RGS3: variants seen among roughly 807,000 people sequenced by gnomAD.
RGS3 encodes regulator of G protein signaling 3.
RGS3 carries 80 observed loss-of-function variants against 132.6 expected under a neutral mutation model. The ratio of observed to expected loss-of-function variants is 0.60; its 90% CI spans 0.50 to 0.73. RGS3 has a LOEUF of 0.73. Ranked by LOEUF, RGS3 falls within the 30% of genes least tolerant of loss-of-function variation. The probability of loss-of-function intolerance (pLI) is 0.00; values close to 1 mark genes in which losing one functional copy is unlikely to be tolerated. For synonymous variants in RGS3, 598 were observed against 620.6 expected (o/e 0.96, Z 0.54); for missense variants, 1,382 against 1,530.8 (o/e 0.90, Z 1.62).
chr9:113,536,791 G>A lies in RGS3; in HGVS notation c.1915-5G>A, dbSNP rs773659807. On this transcript the variant is annotated splice_polypyrimidine_tract_variant and splice_region_variant and intron_variant, in intron 18 of 24. Transcript: ENST00000350696. ...CGTCCGTTTCTCTATTTTCCCTGAC[G>A]TCAGAAGGCAGAGTGCTTATTCACT... 9 of 1,613,096 alleles carry A rather than the reference G, an allele frequency of 5.6e-6. No individual in the cohort carries two copies. The Admixed American group carries it at 6.7e-5, about 12-fold the overall frequency.
chr9:113,583,351 G>T (rs1249029549), intron 19 of RGS3, 99 bp from the exon 18 acceptor site: 1 of 1,492,488 alleles, frequency 6.7e-7, no homozygotes, highest in Non-Finnish European at 8.9e-7. Context: ...GGGGCCCGGG[G>T]TTCAGGCCAC....
At chr9:113,461,271 C>T (rs1276646671) in intron 1 of RGS3, among the ~76,000 whole-genome samples, 1 of 152,062 alleles carries the variant, frequency 6.6e-6, no homozygotes, top group African/African-American at 2.4e-5. Context: ...CTAGAATGCT[C>T]AGGACATGTG....
At chr9:113,508,518 G>T (rs1308612820) in intron 13 of RGS3, 23 bp from the exon 12 acceptor site, 1 of 1,612,322 alleles carries the variant, frequency 6.2e-7, no homozygotes, top group Non-Finnish European at 8.5e-7. Context: ...GGCTGAGGTG[G>T]TTTTCCTGTC....
chr9:113,534,230 G>T (rs1272785164), intron 18 of RGS3, among the ~76,000 whole-genome samples: 1 of 152,176 alleles, frequency 6.6e-6, no homozygotes, highest in East Asian at 1.9e-4. Context: ...CATTGTTTTT[G>T]CTGGCCCCTT....
chr9:113,462,575 A>G (rs990563948), intron 3 of RGS3, among the ~76,000 whole-genome samples: 1 of 152,170 alleles, frequency 6.6e-6, no homozygotes, highest in Non-Finnish European at 1.5e-5. Flanking sequence ...AGCTCTGCCT[A>G]TTCCTAGCTC....
intron 10 of RGS3, chr9:113,504,932 T>C (rs1831063395): frequency 6.4e-6 from 1 of 155,234 alleles, no homozygotes. Context: ...TGGCCTGAGA[T>C]GGAGTGAGTG....
chr9:113,470,289 T>C (rs573587904), intron 3 of RGS3, among the ~76,000 whole-genome samples: 27 of 152,352 alleles, frequency 1.8e-4, no homozygotes, highest in Admixed American at 5.9e-4. Context: ...ATTGTTCAAA[T>C]ATTCCGTATC....
At chr9:113,585,120 AG>A (rs2118993538) in intron 20 of RGS3, among the ~76,000 whole-genome samples, 1 of 152,332 alleles carries the variant, frequency 6.6e-6, no homozygotes, top group Non-Finnish European at 1.5e-5. Flanking sequence ...ACATGGCAGG[AG>A]CCACAGAAGT....
chr9:113,528,737 C>T (rs916970824), intron 17 of RGS3, among the ~76,000 whole-genome samples: 4 of 152,184 alleles, frequency 2.6e-5, no homozygotes, highest in African/African-American at 9.7e-5. Context: ...TGGGCTCCAC[C>T]CAGTCTATGA....
intron 19 of RGS3, among the ~76,000 whole-genome samples, chr9:113,570,029 T>C (rs777474180): frequency 3.9e-5 from 6 of 152,142 alleles, no homozygotes; most frequent in Non-Finnish European, 7.4e-5. Flanking sequence ...CTAGGGAGGT[T>C]GTATAGGAAT....
At chr9:113,460,325 C>G (rs1319218913) in exon 1 of RGS3, 2 of 350,390 alleles carry the variant, frequency 5.7e-6, no homozygotes, top group Non-Finnish European at 1.0e-5. Flanking sequence ...TCGAGACCAT[C>G]CTGGCTAACA....
intron 21 of RGS3, chr9:113,592,004 G>A (rs1835455543): frequency 6.5e-6 from 1 of 153,450 alleles, no homozygotes; most frequent in Non-Finnish European, 1.5e-5. Context: ...AGACTCGGGG[G>A]AGGTATAGGG....
chr9:113,552,673 G>A (rs112381404), intron 19 of RGS3, among the ~76,000 whole-genome samples: 13 of 152,104 alleles, frequency 8.5e-5, no homozygotes, highest in South Asian at 4.2e-4. Context: ...CAAAAATATC[G>A]TTGAGACTTT....
chr9:113,448,642 C>G (rs1829170619), intron 1 of RGS3, among the ~76,000 whole-genome samples: 1 of 152,228 alleles, frequency 6.6e-6, no homozygotes, highest in African/African-American at 2.4e-5. Context: ...AGACTGACTT[C>G]TGCGAGTGGC....
intron 4 of RGS3, among the ~76,000 whole-genome samples, chr9:113,480,117 G>A (rs1830112669): frequency 6.6e-6 from 1 of 152,188 alleles, no homozygotes; most frequent in Admixed American, 6.5e-5. Context: ...AAAGTGCTTA[G>A]AACAGTGCTG....
chr9:113,499,222 A>G (rs1311449275), intron 10 of RGS3, among the ~76,000 whole-genome samples: 3 of 136,498 alleles, frequency 2.2e-5, no homozygotes, highest in African/African-American at 8.3e-5. Flanking sequence ...ACGAGATTCC[A>G]TCTCAAAAAA....
In RGS3 at chr9:113,507,605, C is replaced by T. The variant is rs1298167078; in HGVS notation, c.1404C>T (p.Tyr468=). ...CCACTGCCCCCACCGACCCCAACTA[C>T]ATCATCCTGGCCCCGCTGAATCCTG... The change falls in exon 13 of 25, where the codon TAC becomes TAT. Residue 468 remains tyrosine, a synonymous_variant. Coordinates refer to ENST00000350696, the Ensembl canonical transcript of RGS3. This position sits in a 1 kb window ranked among gnomAD's most constrained non-coding sequence, Gnocchi z 5.0. The T allele has an allele frequency of 2.0e-6, 3 of 1,500,024 alleles. No homozygotes were observed. The highest frequency in any genetic ancestry group is 2.2e-5 in the Admixed American group (1 of 44,964). The allele number at this position is 1,500,024 out of a possible 1,614,324, so 92.9% of individuals were successfully genotyped here.
chr9:113,508,729 G>A (rs1010934206), intron 14 of RGS3, 149 bp downstream of exon 12: 49 of 731,376 alleles, frequency 6.7e-5, no homozygotes, highest in East Asian at 2.1e-4. Context: ...CTTTCCACGT[G>A]GTACCTTTTC....
At position 113,507,162 on chromosome 9, in the gene RGS3, G is replaced by T; in HGVS notation, c.1086-125G>T. ...TTGCATCCCTTCCTGCCCTGACACT[G>T]GGGGCTTCCCCTCTGGTGTCTGCCT... is the stretch of plus-strand genomic sequence containing the variant. On this transcript the variant is annotated intron_variant, in intron 12 of 24. Coordinates refer to ENST00000350696, the Ensembl canonical transcript of RGS3. The surrounding 1 kb of genome is among the most constrained non-coding windows in gnomAD (Gnocchi z 5.0). 1 of 740,586 alleles carries T rather than the reference G, an allele frequency of 1.4e-6. No homozygotes were observed. Among genetic ancestry groups the T allele is most frequent in the South Asian group, 1.9e-5 (1 of 52,174 alleles). 45.9% of individuals were successfully genotyped at this position (740,586 alleles called of 1,614,324 possible).
Sources: gnomAD v4.1 joint callset for allele counts (sites outside exome capture counted in the v4.1 genomes callset) on GRCh38, gnomAD v4.1.1 for gene constraint, Gnocchi (gnomAD v3.1) non-coding constraint, MANE v1.5 for transcripts, NCBI Gene and HGNC (gene_info 2026-07-23, HGNC 2026-07-21) for gene names.